Variants in TBC1D12 observed in about 807,000 individuals in gnomAD.
TBC1D12 encodes TBC1 domain family, member 12.
TBC1D12 carries 56 observed loss-of-function variants against 86.7 expected under a neutral mutation model. The observed-to-expected ratio is 0.65, with a 90% CI of 0.52 to 0.81. The LOEUF (loss-of-function observed/expected upper bound fraction) is 0.81, where lower values mean the gene tolerates loss of function less well. TBC1D12 is among the 30% of genes least tolerant of loss of function. The pLI, the probability that TBC1D12 is intolerant of heterozygous loss-of-function variation, is 0.00. For synonymous variants in TBC1D12, 421 were observed against 411.7 expected (o/e 1.02, Z -0.27); for missense variants, 1,023 against 1,038.8 (o/e 0.98, Z 0.21).
chr10:94,487,525 T>A (rs1486230093), intron 3 of TBC1D12, among the ~76,000 whole-genome samples: 1 of 152,000 alleles, frequency 6.6e-6, no homozygotes, highest in Non-Finnish European at 1.5e-5. Flanking sequence ...TACTACCTTA[T>A]AACCCATTAT....
chr10:94,471,982 A>G (rs1039629143), intron 2 of TBC1D12, among the ~76,000 whole-genome samples: 2 of 152,200 alleles, frequency 1.3e-5, no homozygotes, highest in Admixed American at 6.5e-5. Flanking sequence ...TTCATATTGC[A>G]TCATACAAGA....
rs141801824 is a variant in TBC1D12, at chr10:94,510,305, T to C, written c.1689+126T>C. The C allele has an allele frequency of 2.4e-3, 1,367 of 563,026 alleles. 15 individuals carry two copies. The highest frequency in any genetic ancestry group is 0.023 in the African/African-American group (1,177 of 51,014). The allele number at this position is 563,026 out of a possible 1,614,324, so 34.9% of individuals were successfully genotyped here. Reference sequence around the variant, plus strand: ...AACTATAGAAATTGGGGACCCTGTATAAAAAGTGTAAAACTAGTTATAAAA... The same window carrying C: ...AACTATAGAAATTGGGGACCCTGTACAAAAAGTGTAAAACTAGTTATAAAA... On this transcript the variant is annotated intron_variant, in intron 8 of 12. Coordinates refer to ENST00000225235, the MANE Select transcript of TBC1D12 (RefSeq NM_015188.2).
At chr10:94,514,913 T>C (rs1326290289) in intron 9 of TBC1D12, among the ~76,000 whole-genome samples, 3 of 145,982 alleles carry the variant, frequency 2.1e-5, no homozygotes, top group Non-Finnish European at 4.5e-5. Flanking sequence ...TTTTCTTTTT[T>C]TTTTTTTTTT....
At chr10:94,436,770 C>T (rs1210508663) in intron 1 of TBC1D12, among the ~76,000 whole-genome samples, 1 of 149,998 alleles carries the variant, frequency 6.7e-6, no homozygotes, top group Admixed American at 6.7e-5. Flanking sequence ...GTCAAAATTG[C>T]TTTTTTTAAA....
chr10:94,469,287 G>T (rs536488971), intron 2 of TBC1D12, among the ~76,000 whole-genome samples: 57 of 152,166 alleles, frequency 3.7e-4, no homozygotes, highest in African/African-American at 1.3e-3. Flanking sequence ...TCACCCCTGG[G>T]TAAGCTCTGG....
At chr10:94,496,232 T>C (rs1242712301) in intron 4 of TBC1D12, among the ~76,000 whole-genome samples, 1 of 152,140 alleles carries the variant, frequency 6.6e-6, no homozygotes, top group Non-Finnish European at 1.5e-5. Flanking sequence ...CCTCACTGGT[T>C]CTAAAATTAC....
intron 1 of TBC1D12, among the ~76,000 whole-genome samples, chr10:94,415,464 T>A (rs1295849568): frequency 6.6e-6 from 1 of 152,214 alleles, no homozygotes; most frequent in Non-Finnish European, 1.5e-5. Context: ...CCAGGCCCGG[T>A]GGCTCATGCC....
intron 1 of TBC1D12, among the ~76,000 whole-genome samples, chr10:94,423,342 C>CTTTTT (rs71486719): frequency 2.3e-4 from 22 of 94,240 alleles, no homozygotes; most frequent in East Asian, 7.6e-4. Context: ...CATTCACCAT[C>CTTTTT]TTTTTTTTTT....
At chr10:94,528,081 A>G (rs574581922) in intron 11 of TBC1D12, among the ~76,000 whole-genome samples, 1 of 151,496 alleles carries the variant, frequency 6.6e-6, no homozygotes, top group Admixed American at 6.6e-5. Context: ...GGTTTTATAT[A>G]AATTTTAGGA....
rs1428753425 is a variant in TBC1D12 at position 94,526,925 on chromosome 10, C to T, written c.2001-4277C>T. Among the ~76,000 whole-genome samples the T allele has an allele frequency of 2.0e-5, 3 of 152,152 alleles. No homozygotes were observed. The East Asian group carries it at 5.8e-4, about 29-fold the overall frequency. ...TTTTGTCTTTTTGATAATAGCTATC[C>T]TAACTGGGGTAAGAGGATACCTCAT... is the stretch of plus-strand genomic sequence containing the variant. On this transcript the variant is annotated intron_variant, in intron 11 of 12. Coordinates refer to ENST00000225235, the MANE Select transcript of TBC1D12 (RefSeq NM_015188.2).
At chr10:94,509,823 TA>T in intron 7 of TBC1D12, 1 of 346,626 alleles carries the variant, frequency 2.9e-6, no homozygotes, top group Non-Finnish European at 5.1e-6. Flanking sequence ...TCCTAGTTGT[TA>T]CCATGGAAAT....
intron 3 of TBC1D12, among the ~76,000 whole-genome samples, chr10:94,487,822 G>A (rs187693622): frequency 6.7e-6 from 1 of 149,710 alleles, no homozygotes; most frequent in Admixed American, 6.7e-5. Flanking sequence ...TCAGACTCCC[G>A]AGTAGCTGGG....
At chr10:94,522,169 C>G in intron 10 of TBC1D12, 86 bp downstream of exon 10, 2 of 1,464,844 alleles carry the variant, frequency 1.4e-6, no homozygotes, top group Non-Finnish European at 1.9e-6. Flanking sequence ...CCAAAACAAT[C>G]TAATCTAATA....
chr10:94,514,155 G>T (rs1424360247), intron 9 of TBC1D12, among the ~76,000 whole-genome samples: 1 of 151,922 alleles, frequency 6.6e-6, no homozygotes, highest in Non-Finnish European at 1.5e-5. Flanking sequence ...TGGGAAGATC[G>T]CTTGAGCCCA....
rs554680703 is a variant in TBC1D12, at chr10:94,480,082, A to G, written c.1211+5299A>G. Among the ~76,000 whole-genome samples, 4 of 152,306 alleles carry G rather than the reference A, an allele frequency of 2.6e-5. No individual in the cohort carries two copies. The South Asian group carries it at 6.2e-4, about 24-fold the overall frequency. Reference sequence around the variant, plus strand: ...CATACCTCTACTTTGACTCGGGACTATGGTAACATTTTGGGTCTCTTGCAA... The same window carrying G: ...CATACCTCTACTTTGACTCGGGACTGTGGTAACATTTTGGGTCTCTTGCAA... On this transcript the variant is annotated intron_variant, in intron 3 of 12. Coordinates refer to ENST00000225235, the MANE Select transcript of TBC1D12 (RefSeq NM_015188.2).
chr10:94,466,865 T>A (rs539743639), intron 2 of TBC1D12, among the ~76,000 whole-genome samples: 58 of 152,312 alleles, frequency 3.8e-4, no homozygotes, highest in African/African-American at 1.4e-3. Flanking sequence ...GAATATCACA[T>A]TATATTTTGC....
intron 3 of TBC1D12, among the ~76,000 whole-genome samples, chr10:94,482,406 A>C (rs1220762593): frequency 2.0e-5 from 3 of 150,584 alleles, no homozygotes; most frequent in Non-Finnish European, 2.9e-5. Flanking sequence ...ATTATTATTG[A>C]CTATAGTCAC....
chr10:94,488,433 C>T (rs2056200662), intron 3 of TBC1D12, among the ~76,000 whole-genome samples: 1 of 142,632 alleles, frequency 7.0e-6, no homozygotes, highest in African/African-American at 2.6e-5. Context: ...CACTGTAGCC[C>T]AGGCTGGAGT....
Position 94,403,040 on chromosome 10 carries a change from G to A in TBC1D12, c.427G>A (p.Gly143Ser), listed in dbSNP as rs756550254. ...CAACGGCGACTCGGGTTTTCTGCCGGGCCGGGACTGTCGCGATCTGGAAGA... is the reference window on the plus strand; with the variant it reads ...CAACGGCGACTCGGGTTTTCTGCCGAGCCGGGACTGTCGCGATCTGGAAGA... ...MTNGDSGFLPGRDCRDLEEAR... is the reference protein window; with the variant it reads ...MTNGDSGFLPSRDCRDLEEAR... The change falls in exon 1 of 13, where the codon GGC (glycine) becomes AGC (serine). Residue 143 changes from glycine (G) to serine (S), a missense_variant. By Grantham distance (56) the Gly-to-Ser change is moderately conservative. Coordinates refer to ENST00000225235, the MANE Select transcript of TBC1D12 (RefSeq NM_015188.2). 6.4e-6 allele frequency: 10 copies of A among 1,564,800 alleles called. No homozygotes were observed. Among genetic ancestry groups the A allele is most frequent in the Non-Finnish European group, 8.6e-6 (10 of 1,160,136 alleles).
Sources: allele counts gnomAD v4.1 joint callset (sites outside exome capture counted in the v4.1 genomes callset), GRCh38; gene constraint gnomAD v4.1.1; transcripts MANE v1.5; gene names NCBI Gene and HGNC (gene_info 2026-07-23, HGNC 2026-07-21).